USP13: variants seen among roughly 807,000 people sequenced by gnomAD.
The protein encoded by USP13 is ubiquitin carboxyl-terminal hydrolase 13.
In USP13, 68 loss-of-function variants were observed where a neutral mutation model predicts 107.8. That is an observed-to-expected ratio of 0.63 (90% CI 0.52 to 0.77). The LOEUF (loss-of-function observed/expected upper bound fraction) is 0.77. USP13 is among the 30% of genes least tolerant of loss of function. USP13 has a pLI of 0.00. For synonymous variants in USP13, 377 were observed against 389.5 expected, an observed-to-expected ratio of 0.97 and a Z score of 0.38; for missense variants, 945 against 1,093.3, an observed-to-expected ratio of 0.86 and a Z score of 1.91.
chr3:179,784,216 A>AGTT lies in USP13; in HGVS notation c.*77_*79dup. ...GCCAAAAAAAAAAAGAAGAAGAAGA[A>AGTT]GTTGAAACAACTAGACATGAAGGAA... is the stretch of plus-strand genomic sequence containing the variant. On this transcript the variant is annotated 3_prime_UTR_variant, in exon 21 of 21. Transcript: ENST00000263966. 1 of 1,218,100 alleles carries AGTT rather than the reference A, an allele frequency of 8.2e-7. No individual in the cohort carries two copies. Among genetic ancestry groups the AGTT allele is most frequent in the Non-Finnish European group, 1.2e-6 (1 of 849,330 alleles). 75.5% of individuals were successfully genotyped at this position (1,218,100 alleles called of 1,614,324 possible).
rs1353439636 is a variant in USP13 at position 179,721,590 on chromosome 3, G to A, written c.1088+1G>A. ...TCAGCATCCCAGAATTCCAGAGAGCGTAAGTGCCTTCCATGCAGACCAGGG... is the reference window on the plus strand; with the variant it reads ...TCAGCATCCCAGAATTCCAGAGAGCATAAGTGCCTTCCATGCAGACCAGGG... On this transcript the variant is annotated splice_donor_variant, in intron 8 of 20. Coordinates refer to ENST00000263966, the MANE Select transcript of USP13 (RefSeq NM_003940.3). LOFTEE classifies it high-confidence loss of function. The surrounding 1 kb of genome is among the most constrained non-coding windows in gnomAD (Gnocchi z 4.3). The A allele has an allele frequency of 2.5e-6, 4 of 1,612,902 alleles. No individual in the cohort carries two copies. The highest frequency in any genetic ancestry group is 1.7e-6 in the Non-Finnish European group (2 of 1,179,932).
intron 2 of USP13, among the ~76,000 whole-genome samples, chr3:179,684,274 C>CACACACACACACACAG (rs1553788858): frequency 3.0e-5 from 4 of 132,022 alleles, no homozygotes; most frequent in Non-Finnish European, 6.5e-5. Flanking sequence ...ACCCTTTACA[C>CACACACACACACACAG]ACACACACAC....
At chr3:179,776,269 A>G (rs1715534629) in intron 19 of USP13, among the ~76,000 whole-genome samples, 1 of 152,052 alleles carries the variant, frequency 6.6e-6, no homozygotes, top group African/African-American at 2.4e-5. Context: ...TCTCCTTGGC[A>G]GTACAGGAAC....
intron 19 of USP13, among the ~76,000 whole-genome samples, chr3:179,775,370 A>C (rs1400701668): frequency 6.6e-6 from 1 of 152,244 alleles, no homozygotes; most frequent in Non-Finnish European, 1.5e-5. Context: ...CTAGACACAG[A>C]GTGCTGATTG....
At chr3:179,778,841 G>A (rs1172715606) in intron 19 of USP13, among the ~76,000 whole-genome samples, 1 of 152,166 alleles carries the variant, frequency 6.6e-6, no homozygotes, top group Non-Finnish European at 1.5e-5. Context: ...CAGGATAAGG[G>A]AAACGGGAGC....
intron 20 of USP13, 133 bp from the exon 21 acceptor site, chr3:179,783,915 A>G (rs1715833783): frequency 4.6e-6 from 3 of 648,004 alleles, no homozygotes; most frequent in Non-Finnish European, 7.8e-6. Flanking sequence ...GTCCCTTTTT[A>G]TACAACGAAC....
At chr3:179,686,371 C>T (rs1284943522) in intron 2 of USP13, among the ~76,000 whole-genome samples, 1 of 152,180 alleles carries the variant, frequency 6.6e-6, no homozygotes, top group African/African-American at 2.4e-5. Flanking sequence ...GGCTTGAGGA[C>T]AGGAGTTTGA....
chr3:179,774,737 G>A (rs966712523), intron 19 of USP13, among the ~76,000 whole-genome samples: 1 of 152,066 alleles, frequency 6.6e-6, no homozygotes, highest in African/African-American at 2.4e-5. Context: ...CTGCTGGCTC[G>A]GGCAGCCTGC....
At chr3:179,774,313 G>A (rs1281060749) in intron 19 of USP13, among the ~76,000 whole-genome samples, 1 of 152,150 alleles carries the variant, frequency 6.6e-6, no homozygotes, top group Non-Finnish European at 1.5e-5. Context: ...TGGGTTCTTG[G>A]TCTCACTGAC....
chr3:179,694,542 C>G (rs1311139959), intron 3 of USP13, among the ~76,000 whole-genome samples: 1 of 152,038 alleles, frequency 6.6e-6, no homozygotes, highest in Non-Finnish European at 1.5e-5. Context: ...GTGGCTCATG[C>G]CTGTAATCTC....
At chr3:179,728,248 G>A (rs761431991) in intron 8 of USP13, among the ~76,000 whole-genome samples, 28 of 149,158 alleles carry the variant, frequency 1.9e-4, no homozygotes, top group Middle Eastern at 3.6e-3. Context: ...GGGCAGAGAC[G>A]CTCCTCACTT....
chr3:179,726,662 A>G lies in USP13; in HGVS notation c.1089-3527A>G, dbSNP rs111819370. The stretch of plus-strand genomic sequence containing the variant: ...GCTGCATGGGTCCATTCTGGGCCTC[A>G]TTACTCCCTCCCTGGTAGGCTTTTT... On this transcript the variant is annotated intron_variant, in intron 8 of 20. Transcript: ENST00000263966. Among the ~76,000 whole-genome samples, 707 of 141,886 alleles carry G rather than the reference A, an allele frequency of 5.0e-3. 7 individuals carry two copies. The highest frequency in any genetic ancestry group is 0.018 in the African/African-American group (675 of 37,778). The allele number at this position is 141,886 out of a possible 152,430, so 93.1% of individuals were successfully genotyped here.
intron 4 of USP13, among the ~76,000 whole-genome samples, chr3:179,701,874 G>A (rs1335391265): frequency 2.0e-5 from 3 of 152,162 alleles, no homozygotes; most frequent in Non-Finnish European, 4.4e-5. Context: ...GCCAGGTTTT[G>A]TTTTCCTTCG....
At chr3:179,695,162 TG>T (rs1712248448) in intron 3 of USP13, among the ~76,000 whole-genome samples, 1 of 152,234 alleles carries the variant, frequency 6.6e-6, no homozygotes, top group Non-Finnish European at 1.5e-5. Context: ...GCAGTTTCTC[TG>T]TTATTTTTTG....
Position 179,690,314 on chromosome 3 carries a change from C to G in USP13, c.355+13C>G. Reference sequence around the variant, plus strand: ...AAGATTTTTTTAGGTAAATAGTTATCAGTAGCATGCTCAGATTTTGTGTTT... The same window carrying G: ...AAGATTTTTTTAGGTAAATAGTTATGAGTAGCATGCTCAGATTTTGTGTTT... On this transcript the variant is annotated intron_variant, in intron 3 of 20. Transcript: ENST00000263966. The G allele has an allele frequency of 1.2e-6, 2 of 1,612,172 alleles. No homozygotes were observed. Among genetic ancestry groups the G allele is most frequent in the Non-Finnish European group, 1.7e-6 (2 of 1,178,552 alleles).
chr3:179,755,244 G>C (rs1031485554), intron 15 of USP13, among the ~76,000 whole-genome samples: 13 of 152,116 alleles, frequency 8.5e-5, no homozygotes, highest in African/African-American at 1.7e-4. Context: ...GAAGAGATTT[G>C]AGTTTCTCTT....
At chr3:179,725,706 G>A (rs1243831453) in intron 8 of USP13, among the ~76,000 whole-genome samples, 1 of 152,202 alleles carries the variant, frequency 6.6e-6, no homozygotes, top group Non-Finnish European at 1.5e-5. Flanking sequence ...TGACATAAAT[G>A]TATTCATTGA....
intron 2 of USP13, among the ~76,000 whole-genome samples, chr3:179,687,563 G>A (rs1004992626): frequency 2.7e-5 from 4 of 149,442 alleles, no homozygotes; most frequent in Non-Finnish European, 4.4e-5. Context: ...GGAGGCTGGC[G>A]CAGGAGAATC....
chr3:179,657,762 C>CAAAAAA (rs35377039), intron 1 of USP13, among the ~76,000 whole-genome samples: 16 of 73,768 alleles, frequency 2.2e-4, no homozygotes, highest in South Asian at 1.2e-3. Context: ...AATTCCGTCT[C>CAAAAAA]AAAAAAAAAA....
Sources: gnomAD v4.1 joint callset for allele counts (sites outside exome capture counted in the v4.1 genomes callset) on GRCh38, gnomAD v4.1.1 for gene constraint, Gnocchi (gnomAD v3.1) non-coding constraint, MANE v1.5 for transcripts, NCBI Gene and HGNC (gene_info 2026-07-23, HGNC 2026-07-21) for gene names.